The following CTNNA2 variants were observed in gnomAD, a reference collection of about 807,000 sequenced individuals.
CTNNA2 encodes catenin alpha-2.
In CTNNA2, 42 loss-of-function variants were observed where a neutral mutation model predicts 101.0. The ratio of observed to expected loss-of-function variants is 0.42; its 90% CI spans 0.32 to 0.54. The LOEUF (loss-of-function observed/expected upper bound fraction) is 0.54, where lower values mean the gene tolerates loss of function less well. Ranked by LOEUF, CTNNA2 falls within the 20% of genes least tolerant of loss-of-function variation. CTNNA2 has a pLI of 0.14. For synonymous variants in CTNNA2, 450 were observed against 456.4 expected (o/e 0.99, Z 0.18); for missense variants, 871 against 1,223.1 (o/e 0.71, Z 4.29).
At chr2:80,034,875 C>G (rs1046848511) in intron 7 of CTNNA2, among the ~76,000 whole-genome samples, 7 of 152,094 alleles carry the variant, frequency 4.6e-5, no homozygotes, top group African/African-American at 1.4e-4. Context: ...TTAGAAACAA[C>G]TACAAAAATT....
At chr2:80,647,119 C>A (rs1287964287) in intron 18 of CTNNA2, among the ~76,000 whole-genome samples, 2 of 152,044 alleles carry the variant, frequency 1.3e-5, no homozygotes, top group Non-Finnish European at 2.9e-5. Flanking sequence ...TCAATTAACA[C>A]CTCATAGAAG....
chr2:79,514,651 G>A (rs1671712201), intron 1 of CTNNA2: 1 of 152,190 alleles, frequency 6.6e-6, no homozygotes, highest in Admixed American at 6.5e-5. Context: ...CCATGCCTCA[G>A]AATGTTTAGC....
chr2:79,433,376 G>T (rs1678676803), intron 4 of CTNNA2, among the ~76,000 whole-genome samples: 1 of 152,108 alleles, frequency 6.6e-6, no homozygotes, highest in African/African-American at 2.4e-5. Flanking sequence ...CTCAGGTGAG[G>T]ACTCCCTCCA....
At chr2:80,385,382 A>G (rs962806992) in intron 7 of CTNNA2, among the ~76,000 whole-genome samples, 4 of 152,298 alleles carry the variant, frequency 2.6e-5, no homozygotes, top group East Asian at 1.9e-4. Context: ...GTGAACACAC[A>G]AAAAGAAGAC....
At chr2:80,593,588 A>G (rs1283476153) in intron 15 of CTNNA2, among the ~76,000 whole-genome samples, 1 of 152,054 alleles carries the variant, frequency 6.6e-6, no homozygotes, top group Non-Finnish European at 1.5e-5. Flanking sequence ...TGCAACCATT[A>G]CCACCCTCCA....
chr2:80,170,648 T>C (rs1201880253), intron 7 of CTNNA2, among the ~76,000 whole-genome samples: 1 of 152,214 alleles, frequency 6.6e-6, no homozygotes, highest in East Asian at 1.9e-4. Flanking sequence ...GCTAAGTTAA[T>C]GCTTATCCGA....
At chr2:79,643,509 C>T (rs1680596476) in intron 1 of CTNNA2, among the ~76,000 whole-genome samples, 1 of 152,182 alleles carries the variant, frequency 6.6e-6, no homozygotes, top group Non-Finnish European at 1.5e-5. Context: ...TGTGTGTTAG[C>T]ATGGCCTCTA....
At chr2:80,234,812 A>ATT (rs201091912) in intron 7 of CTNNA2, among the ~76,000 whole-genome samples, 1 of 146,518 alleles carries the variant, frequency 6.8e-6, no homozygotes, top group African/African-American at 2.5e-5. Flanking sequence ...AAGTTGGCAG[A>ATT]TTTTTTTTTT....
At chr2:80,173,824 G>A (rs991484373) in intron 7 of CTNNA2, among the ~76,000 whole-genome samples, 33 of 152,148 alleles carry the variant, frequency 2.2e-4, no homozygotes, top group African/African-American at 7.7e-4. Context: ...CCTAGGGAAT[G>A]TACACAACAC....
chr2:79,478,956 T>A (rs910586202), intron 4 of CTNNA2, among the ~76,000 whole-genome samples: 2 of 152,326 alleles, frequency 1.3e-5, no homozygotes, highest in Middle Eastern at 3.4e-3. Flanking sequence ...CTGCTTTTGC[T>A]GTTTAGATTT....
chr2:79,188,497 T>C (rs1015643965), intron 1 of CTNNA2, among the ~76,000 whole-genome samples: 5 of 152,212 alleles, frequency 3.3e-5, no homozygotes, highest in South Asian at 2.1e-4. Context: ...TGCTGGAACC[T>C]AATCAGTTAG....
intron 2 of CTNNA2, among the ~76,000 whole-genome samples, chr2:79,725,742 A>G: frequency 6.6e-6 from 1 of 152,174 alleles, no homozygotes; most frequent in East Asian, 1.9e-4. Context: ...AACCTTGAAG[A>G]TGCTCCCCAG....
chr2:79,620,229 C>T (rs565907907), intron 1 of CTNNA2, among the ~76,000 whole-genome samples: 1 of 152,314 alleles, frequency 6.6e-6, no homozygotes, highest in East Asian at 1.9e-4. Context: ...CTAGCCCCCA[C>T]CAGCTCTCCA....
chr2:80,262,874 A>G (rs1672717988), intron 7 of CTNNA2, among the ~76,000 whole-genome samples: 1 of 152,190 alleles, frequency 6.6e-6, no homozygotes, highest in Admixed American at 6.5e-5. Flanking sequence ...CAAAATTTCC[A>G]GATTCTAATA....
intron 12 of CTNNA2, among the ~76,000 whole-genome samples, chr2:80,564,233 G>A (rs901084281): frequency 3.9e-5 from 6 of 152,170 alleles, no homozygotes; most frequent in African/African-American, 1.4e-4. Flanking sequence ...AAATTAGACT[G>A]TATTTATTAA....
At chr2:80,507,202 C>T (rs114810060) in intron 9 of CTNNA2, among the ~76,000 whole-genome samples, 32 of 152,180 alleles carry the variant, frequency 2.1e-4, no homozygotes, top group African/African-American at 7.0e-4. Flanking sequence ...GGTTGCAGTA[C>T]GAATTAAATG....
At chr2:79,780,247 T>C (rs1199111935) in intron 3 of CTNNA2, among the ~76,000 whole-genome samples, 1 of 152,234 alleles carries the variant, frequency 6.6e-6, no homozygotes, top group East Asian at 1.9e-4. Flanking sequence ...TAAAACCAAG[T>C]TGTGGCCGGG....
intron 3 of CTNNA2, among the ~76,000 whole-genome samples, chr2:79,372,608 AAAG>A (rs1222827436): frequency 2.0e-5 from 3 of 152,224 alleles, no homozygotes; most frequent in Non-Finnish European, 4.4e-5. Context: ...AGAATATGAC[AAAG>A]AAGAGAAAAG....
intron 3 of CTNNA2, among the ~76,000 whole-genome samples, chr2:79,337,081 C>A (rs1677011331): frequency 6.6e-6 from 1 of 152,044 alleles, no homozygotes; most frequent in Non-Finnish European, 1.5e-5. Flanking sequence ...TTACTTGTAC[C>A]AAGAACATGG....
Sources: gnomAD v4.1 joint callset for allele counts (sites outside exome capture counted in the v4.1 genomes callset) on GRCh38, gnomAD v4.1.1 for gene constraint, MANE v1.5 for transcripts, NCBI Gene and HGNC (gene_info 2026-07-23, HGNC 2026-07-21) for gene names.